Variants in AMBRA1 observed in about 807,000 individuals in gnomAD.
The protein encoded by AMBRA1 is autophagy and beclin 1 regulator 1.
Under a neutral mutation model 125.4 loss-of-function variants are expected in AMBRA1, and 47 were observed. That is an observed-to-expected ratio of 0.37 (90% confidence interval 0.30 to 0.48). AMBRA1 has a LOEUF of 0.48. Among genes scored for constraint, AMBRA1 ranks in the 20% least tolerant of loss-of-function variants. AMBRA1 has a pLI of 0.99. For synonymous variants in AMBRA1, 626 were observed against 655.5 expected, an observed-to-expected ratio of 0.95 and a Z score of 0.69; for missense variants, 1,331 against 1,693.4, an observed-to-expected ratio of 0.79 and a Z score of 3.76.
intron 7 of AMBRA1, among the ~76,000 whole-genome samples, chr11:46,525,211 G>A (rs926863915): frequency 3.9e-5 from 6 of 152,188 alleles, no homozygotes; most frequent in African/African-American, 1.2e-4. Context: ...TGAGGCAAGA[G>A]GATTCCTTGG....
chr11:46,587,148 G>C (rs1043174623), intron 1 of AMBRA1, among the ~76,000 whole-genome samples: 1 of 152,178 alleles, frequency 6.6e-6, no homozygotes, highest in Non-Finnish European at 1.5e-5. Context: ...GGGAGGCCAA[G>C]GTGGGCAGAT....
At chr11:46,500,465 C>T (rs1950794975) in intron 9 of AMBRA1, among the ~76,000 whole-genome samples, 1 of 152,184 alleles carries the variant, frequency 6.6e-6, no homozygotes, top group Non-Finnish European at 1.5e-5. Context: ...GGTACTTCTG[C>T]ATCAGTACAC....
At chr11:46,546,015 T>C (rs923815600) in intron 4 of AMBRA1, 1 of 384,462 alleles carries the variant, frequency 2.6e-6, no homozygotes, top group Admixed American at 4.3e-5. Flanking sequence ...ATTAAGCATA[T>C]ATACACAGTT....
intron 1 of AMBRA1, among the ~76,000 whole-genome samples, chr11:46,584,555 AC>A (rs2044300333): frequency 6.6e-6 from 1 of 152,042 alleles, no homozygotes; most frequent in South Asian, 2.1e-4. Context: ...AACAAAAAAA[AC>A]AAATGAATGA....
At chr11:46,561,212 C>G (rs1168465285) in intron 1 of AMBRA1, among the ~76,000 whole-genome samples, 1 of 152,032 alleles carries the variant, frequency 6.6e-6, no homozygotes, top group Non-Finnish European at 1.5e-5. Context: ...GAAACCCTGT[C>G]TCTACTAAAA....
chr11:46,576,479 G>A (rs2043964739), intron 1 of AMBRA1, among the ~76,000 whole-genome samples: 1 of 152,046 alleles, frequency 6.6e-6, no homozygotes, highest in African/African-American at 2.4e-5. Flanking sequence ...GGGTTATCAG[G>A]GACCTCAGCA....
At chr11:46,515,575 G>GAC (rs1274684892) in intron 7 of AMBRA1, among the ~76,000 whole-genome samples, 1 of 152,220 alleles carries the variant, frequency 6.6e-6, no homozygotes, top group African/African-American at 2.4e-5. Context: ...CTAAGGCAAT[G>GAC]ACAGTACTGA....
At position 46,558,548 on chromosome 11, in the gene AMBRA1, C is replaced by CAA. The variant is rs58748629; in HGVS notation, c.-120-10050_-120-10049dup. ...TGGGCGACACAGCCAGACTCCCTCT[C>CAA]AAAAAAAAAAAAAAAAAAAAAAAAA... On this transcript the variant is annotated intron_variant, in intron 1 of 17. Transcript: ENST00000683756. Among the ~76,000 whole-genome samples the CAA allele has an allele frequency of 1.1e-3, 42 of 38,726 alleles. 2 individuals are homozygous for CAA. Among genetic ancestry groups the CAA allele is most frequent in the East Asian group, 2.5e-3 (2 of 794 alleles). The allele number at this position is 38,726 out of a possible 152,430, so 25.4% of individuals were successfully genotyped here.
intron 7 of AMBRA1, among the ~76,000 whole-genome samples, chr11:46,525,703 A>G (rs1951938898): frequency 6.6e-6 from 1 of 151,974 alleles, no homozygotes; most frequent in Non-Finnish European, 1.5e-5. Context: ...GTGACCCGAG[A>G]TCGTGCCACT....
At chr11:46,578,398 A>T (rs1393939679) in intron 1 of AMBRA1, among the ~76,000 whole-genome samples, 1 of 151,778 alleles carries the variant, frequency 6.6e-6, no homozygotes, top group Non-Finnish European at 1.5e-5. Flanking sequence ...GAGGCAACAG[A>T]GTTGCTTGAA....
intron 12 of AMBRA1, among the ~76,000 whole-genome samples, chr11:46,442,721 C>T (rs1030918656): frequency 1.3e-5 from 2 of 152,060 alleles, no homozygotes; most frequent in African/African-American, 4.8e-5. Context: ...AATAAAGATA[C>T]GAAAACTGGC....
Position 46,523,995 on chromosome 11 carries a change from C to G in AMBRA1, c.2073-11182G>C, listed in dbSNP as rs140625586. 7.1e-3 allele frequency among the ~76,000 whole-genome samples: 1,082 copies of G among 152,184 alleles called. 7 individuals are homozygous for G. The highest frequency in any genetic ancestry group is 0.025 in the African/African-American group (1,026 of 41,524). On this transcript the variant is annotated intron_variant, in intron 7 of 17. Coordinates refer to ENST00000683756, the MANE Select transcript of AMBRA1 (RefSeq NM_001387011.1). ...GCAATTCTCCTGCCTCAGCGTCCCA[C>G]GTAGCTGGGATTACAGGGATGCACC...
intron 1 of AMBRA1, among the ~76,000 whole-genome samples, chr11:46,583,652 C>CAAAAAAAAAAAAAAAAAAAA (rs1398623719): frequency 1.6e-4 from 2 of 12,564 alleles, no homozygotes; most frequent in Non-Finnish European, 1.6e-4. Flanking sequence ...AACAAATTTC[C>CAAAAAAAAAAAAAAAAAAAA]AAAAAAAAAA....
chr11:46,544,043 TA>T lies in AMBRA1; in HGVS notation c.552-3del. Reference sequence around the variant, plus strand: ...CCAAGTGGATCAAATCTCACCAGACTAAAATCACAGAAGAAAGAGACAAAGA... The same window carrying T: ...CCAAGTGGATCAAATCTCACCAGACTAAATCACAGAAGAAAGAGACAAAGA... On this transcript the variant is annotated splice_polypyrimidine_tract_variant and splice_region_variant and intron_variant, in intron 5 of 17. Transcript: ENST00000683756. 6.2e-7 allele frequency: 1 copy of T among 1,612,682 alleles called. No homozygotes were observed. The highest frequency in any genetic ancestry group is 8.5e-7 in the Non-Finnish European group (1 of 1,178,880).
chr11:46,576,784 C>A (rs2043974323), intron 1 of AMBRA1, among the ~76,000 whole-genome samples: 1 of 152,136 alleles, frequency 6.6e-6, no homozygotes, highest in African/African-American at 2.4e-5. Context: ...CATGTAAATG[C>A]AACATGGCTT....
At chr11:46,545,208 A>C (rs1591081422) in intron 5 of AMBRA1, among the ~76,000 whole-genome samples, 1 of 136,300 alleles carries the variant, frequency 7.3e-6, no homozygotes, top group Admixed American at 7.9e-5. Context: ...GCCTGTAATC[A>C]CAGCACTTTG....
At chr11:46,417,718 T>C (rs1946607553) in intron 15 of AMBRA1, among the ~76,000 whole-genome samples, 195 bp downstream of exon 15, 1 of 152,220 alleles carries the variant, frequency 6.6e-6, no homozygotes, top group African/African-American at 2.4e-5. Context: ...AATCAGTCTC[T>C]GGATGAAATG....
At chr11:46,431,117 G>A (rs1309685600) in intron 14 of AMBRA1, among the ~76,000 whole-genome samples, 1 of 152,216 alleles carries the variant, frequency 6.6e-6, no homozygotes, top group Non-Finnish European at 1.5e-5. Context: ...TCTGTAGCAT[G>A]GGGGTTTAAA....
At position 46,542,032 on chromosome 11, in the gene AMBRA1, G is replaced by A; in HGVS notation, c.1985C>T (p.Thr662Ile). ...CACAGTTCCAGATCTGCTGGACTGGGTGTAAATTCTTTCCCAGTGGCCTGT... is the reference window on the plus strand; with the variant it reads ...CACAGTTCCAGATCTGCTGGACTGGATGTAAATTCTTTCCCAGTGGCCTGT... ...QETGHWERIY[T>I]QSSRSGTVSQ... The change falls in exon 7 of 18, where the codon ACC becomes ATC. Residue 662 changes from threonine (T) to isoleucine (I), a missense_variant. Transcript: ENST00000683756. The surrounding 1 kb of genome is among the most constrained non-coding windows in gnomAD (Gnocchi z 5.9). The A allele has an allele frequency of 6.2e-7, 1 of 1,614,094 alleles. No individual in the cohort carries two copies. Among genetic ancestry groups the A allele is most frequent in the Non-Finnish European group, 8.5e-7 (1 of 1,179,984 alleles).
Sources: gnomAD v4.1 joint callset for allele counts (sites outside exome capture counted in the v4.1 genomes callset) on GRCh38, gnomAD v4.1.1 for gene constraint, Gnocchi (gnomAD v3.1) non-coding constraint, MANE v1.5 for transcripts, NCBI Gene and HGNC (gene_info 2026-07-23, HGNC 2026-07-21) for gene names.